PDE4D: variants seen among roughly 807,000 people sequenced by gnomAD.
PDE4D encodes 3',5'-cyclic-AMP phosphodiesterase 4D.
Under a neutral mutation model 87.4 loss-of-function variants are expected in PDE4D, and 24 were observed. The ratio of observed to expected loss-of-function variants is 0.27; its 90% CI spans 0.20 to 0.39. The LOEUF (loss-of-function observed/expected upper bound fraction) is 0.39. PDE4D is among the 10% of genes least tolerant of loss of function. The pLI, the probability that PDE4D is intolerant of heterozygous loss-of-function variation, is 1.00. For synonymous variants in PDE4D, 384 were observed against 383.2 expected (o/e 1.00, Z -0.02); for missense variants, 714 against 1,041.0 (o/e 0.69, Z 4.32).
At chr5:59,059,002 T>C (rs1327795879) in intron 5 of PDE4D, among the ~76,000 whole-genome samples, 2 of 152,142 alleles carry the variant, frequency 1.3e-5, no homozygotes, top group African/African-American at 4.8e-5. Context: ...GTAATGTGAT[T>C]TGGAATAAAT....
At position 60,481,315 on chromosome 5, in the gene PDE4D, T is replaced by A. The variant is rs10041753; in HGVS notation, c.-90+6627A>T. Among the ~76,000 whole-genome samples the A allele has an allele frequency of 3.4e-3, 515 of 152,244 alleles. 4 individuals carry two copies. The highest frequency in any genetic ancestry group is 3.9e-3 in the Non-Finnish European group (262 of 67,994). On this transcript the variant is annotated intron_variant, in intron 1 of 16. Transcript: ENST00000502484. ...AATTAACAGATTTGGAGAGATTTTT[T>A]AAATAGAATAATCTGAAAAAAAATT...
At chr5:59,586,462 T>G in intron 1 of PDE4D, 1 of 1,527,340 alleles carries the variant, frequency 6.5e-7, no homozygotes, top group Non-Finnish European at 8.8e-7. Context: ...CTCTCTTGTT[T>G]GAGCAGCTAT....
chr5:59,215,993 T>C, intron 1 of PDE4D, 25 bp from the exon 2 acceptor site: 2 of 1,553,628 alleles, frequency 1.3e-6, no homozygotes, highest in Non-Finnish European at 8.8e-7. Flanking sequence ...GAAGGAATTA[T>C]GTTGCTGTGA....
intron 1 of PDE4D, among the ~76,000 whole-genome samples, chr5:59,283,465 G>C (rs545492334): frequency 3.3e-5 from 5 of 152,106 alleles, no homozygotes; most frequent in African/African-American, 1.2e-4. Flanking sequence ...ACCTTCTATA[G>C]CTTCATATTC....
At position 60,239,393 on chromosome 5, in the gene PDE4D, T is replaced by C. The variant is rs569901273; in HGVS notation, c.-89-53706A>G. On this transcript the variant is annotated intron_variant, in intron 1 of 16. Coordinates refer to the PDE4D transcript ENST00000502484. ...AATCTTCCCGACTTCTTCAAAATTG[T>C]GTTGGTTATGACTGACGCTTAGCTC... Among the ~76,000 whole-genome samples the C allele has an allele frequency of 5.3e-5, 8 of 152,256 alleles. No individual in the cohort carries two copies. In the South Asian group the frequency reaches 1.7e-3, roughly 32 times the overall value.
At chr5:59,053,365 A>ACG (rs1761834293) in intron 5 of PDE4D, among the ~76,000 whole-genome samples, 1 of 13,078 alleles carries the variant, frequency 7.6e-5, no homozygotes, top group Non-Finnish European at 1.4e-4. Flanking sequence ...GTGTACATAC[A>ACG]CACACACACA....
upstream of PDE4D, among the ~76,000 whole-genome samples, chr5:60,489,346 T>G (rs1187822633): frequency 1.3e-5 from 2 of 152,234 alleles, no homozygotes; most frequent in African/African-American, 4.8e-5. Context: ...ATTTTATTTG[T>G]TTTGTTGGAC....
intron 3 of PDE4D, among the ~76,000 whole-genome samples, chr5:59,910,233 T>C (rs1454629734): frequency 6.6e-6 from 1 of 152,218 alleles, no homozygotes; most frequent in Non-Finnish European, 1.5e-5. Context: ...GTGAAGTTCC[T>C]GAGTGTAAGA....
At chr5:59,284,541 T>C (rs915573292) in intron 1 of PDE4D, among the ~76,000 whole-genome samples, 1 of 150,988 alleles carries the variant, frequency 6.6e-6, no homozygotes, top group African/African-American at 2.4e-5. Flanking sequence ...AGAATGGCAA[T>C]CATTAAAAAG....
chr5:60,032,225 ATAAT>A (rs1767315665), intron 2 of PDE4D, among the ~76,000 whole-genome samples: 1 of 152,226 alleles, frequency 6.6e-6, no homozygotes, highest in Admixed American at 6.5e-5. Context: ...TAGTACAAAC[ATAAT>A]TAATGACTTC....
At chr5:59,038,807 G>T (rs1759041312) in intron 6 of PDE4D, 52 bp downstream of exon 6, 1 of 1,409,144 alleles carries the variant, frequency 7.1e-7, no homozygotes, top group African/African-American at 1.5e-5. Context: ...TGGCTCGCCG[G>T]CATGGGAATC....
intron 1 of PDE4D, among the ~76,000 whole-genome samples, chr5:60,520,600 T>C (rs1398444040): frequency 1.3e-5 from 2 of 152,218 alleles, no homozygotes; most frequent in East Asian, 3.9e-4. Context: ...GGCCCATGGC[T>C]TGTGGCCCCG....
chr5:59,496,381 G>A (rs1254394200), intron 1 of PDE4D, among the ~76,000 whole-genome samples: 2 of 152,124 alleles, frequency 1.3e-5, no homozygotes, highest in African/African-American at 2.4e-5. Flanking sequence ...CAACATTTGG[G>A]CCCAAAGGCT....
chr5:59,953,525 T>C (rs1328756566), intron 3 of PDE4D, among the ~76,000 whole-genome samples: 1 of 152,136 alleles, frequency 6.6e-6, no homozygotes, highest in Non-Finnish European at 1.5e-5. Context: ...ATTAATCCGA[T>C]CAGAAAAGCA....
At chr5:60,383,985 C>G (rs1404864807) in intron 1 of PDE4D, among the ~76,000 whole-genome samples, 1 of 152,130 alleles carries the variant, frequency 6.6e-6, no homozygotes, top group Non-Finnish European at 1.5e-5. Flanking sequence ...CAGTCTAACT[C>G]TACAGACCAG....
intron 2 of PDE4D, among the ~76,000 whole-genome samples, chr5:59,200,638 C>T (rs201145552): frequency 9.9e-6 from 1 of 100,822 alleles, no homozygotes; most frequent in African/African-American, 4.2e-5. Flanking sequence ...CGTGTATGTA[C>T]AGATACACGT....
At chr5:59,331,351 C>T (rs1581999388) in intron 1 of PDE4D, among the ~76,000 whole-genome samples, 2 of 152,216 alleles carry the variant, frequency 1.3e-5, no homozygotes, top group South Asian at 2.1e-4. Flanking sequence ...TGTAGATGGC[C>T]ATCTTCTCCT....
chr5:60,064,202 ATACT>A (rs1213305005), intron 2 of PDE4D, among the ~76,000 whole-genome samples: 2 of 152,116 alleles, frequency 1.3e-5, no homozygotes, highest in African/African-American at 4.8e-5. Flanking sequence ...ATAAAAGTTA[ATACT>A]TACGGAGGGT....
intron 2 of PDE4D, among the ~76,000 whole-genome samples, chr5:59,200,337 A>G (rs1461787174): frequency 2.5e-5 from 3 of 118,746 alleles, no homozygotes; most frequent in African/African-American, 1.1e-4. Flanking sequence ...ACGTGTATGT[A>G]CAGCTACACG....
Sources: gnomAD v4.1 joint callset for allele counts (sites outside exome capture counted in the v4.1 genomes callset) on GRCh38, gnomAD v4.1.1 for gene constraint, MANE v1.5 for transcripts, NCBI Gene and HGNC (gene_info 2026-07-23, HGNC 2026-07-21) for gene names.